The following P3H2 variants were observed in gnomAD, a reference collection of about 807,000 sequenced individuals.
P3H2 encodes the protein leprecan-like 1.
Under a neutral mutation model 87.0 loss-of-function variants are expected in P3H2, and 80 were observed. The ratio of observed to expected loss-of-function variants is 0.92; its 90% CI spans 0.77 to 1.11. The LOEUF (loss-of-function observed/expected upper bound fraction) is 1.11, where lower values mean the gene tolerates loss of function less well. Among genes scored for constraint, P3H2 ranks in the 50% least tolerant of loss-of-function variants. The probability of loss-of-function intolerance (pLI) is 0.00; values close to 1 mark genes in which losing one functional copy is unlikely to be tolerated. For synonymous variants in P3H2, 367 were observed against 359.3 expected (o/e 1.02, Z -0.24); for missense variants, 1,001 against 923.9 (o/e 1.08, Z -1.08).
intron 1 of P3H2, among the ~76,000 whole-genome samples, chr3:190,012,579 T>C (rs1161289001): frequency 1.3e-5 from 2 of 152,238 alleles, no homozygotes; most frequent in African/African-American, 2.4e-5. Context: ...TCTGGGTTTC[T>C]AGTGTTCCTC....
At chr3:190,028,334 TC>T (rs1457598361) in intron 1 of P3H2, among the ~76,000 whole-genome samples, 1 of 152,154 alleles carries the variant, frequency 6.6e-6, no homozygotes, top group Non-Finnish European at 1.5e-5. Context: ...TGACTGATAT[TC>T]CCCTCAAGCC....
At chr3:189,958,056 C>T in intron 14 of P3H2, 52 bp from the exon 15 acceptor site, 1 of 1,323,052 alleles carries the variant, frequency 7.6e-7, no homozygotes, top group Non-Finnish European at 1.1e-6. Flanking sequence ...TAATCAGTCT[C>T]ATCAGCAGAC....
intron 1 of P3H2, among the ~76,000 whole-genome samples, chr3:190,009,575 G>A (rs1724525730): frequency 6.6e-6 from 1 of 152,082 alleles, no homozygotes; most frequent in Admixed American, 6.6e-5. Flanking sequence ...TCACATTTCT[G>A]GAAGACTCAC....
chr3:190,018,398 G>C lies in P3H2; in HGVS notation c.481-22956C>G, dbSNP rs190468551. 8.5e-3 allele frequency among the ~76,000 whole-genome samples: 1,287 copies of C among 152,190 alleles called. 9 individuals are homozygous for C. The highest frequency in any genetic ancestry group is 0.014 in the Middle Eastern group (4 of 294). Reference sequence around the variant, plus strand: ...AGGTGTTAATAGTCCCATTTTTACAGATGAGAAAATCAAGGCTTAGATAAG... The same window carrying C: ...AGGTGTTAATAGTCCCATTTTTACACATGAGAAAATCAAGGCTTAGATAAG... On this transcript the variant is annotated intron_variant, in intron 1 of 14. Coordinates refer to ENST00000319332, the MANE Select transcript of P3H2 (RefSeq NM_018192.4).
At chr3:190,012,922 G>A (rs768382485) in intron 1 of P3H2, among the ~76,000 whole-genome samples, 5 of 152,126 alleles carry the variant, frequency 3.3e-5, no homozygotes, top group South Asian at 2.1e-4. Context: ...TTGAAAGTCC[G>A]CTTAGCTCAT....
intron 4 of P3H2, 136 bp downstream of exon 4, chr3:189,988,771 G>C: frequency 9.1e-7 from 1 of 1,104,186 alleles, no homozygotes; most frequent in Admixed American, 1.7e-5. Context: ...TGCAGCTCAG[G>C]AGAGAAGAAA....
At chr3:190,033,009 T>C (rs966582864) in intron 1 of P3H2, among the ~76,000 whole-genome samples, 6 of 152,188 alleles carry the variant, frequency 3.9e-5, no homozygotes, top group Non-Finnish European at 7.3e-5. Context: ...AACTAGACGG[T>C]CCCATCTAGT....
intron 1 of P3H2, among the ~76,000 whole-genome samples, chr3:190,046,093 C>T (rs374339982): frequency 1.3e-5 from 2 of 150,940 alleles, no homozygotes; most frequent in African/African-American, 4.9e-5. Context: ...ACTGCACTCC[C>T]GCCTGGGCGA....
chr3:190,120,599 C>T lies in P3H2; in HGVS notation c.133G>A (p.Asp45Asn). ...ELEPGPLQPFDLLYASGAAAY... is the reference protein window; with the variant it reads ...ELEPGPLQPFNLLYASGAAAY... ...GCCGCGCCGCTGGCGTAGAGCAGGTCGAAGGGCTGCAGAGGCCCGGGCTCC... is the reference window on the plus strand; with the variant it reads ...GCCGCGCCGCTGGCGTAGAGCAGGTTGAAGGGCTGCAGAGGCCCGGGCTCC... The change falls in exon 1 of 15, where the codon GAC becomes AAC. Residue 45 changes from aspartate to asparagine, a missense_variant. Transcript: ENST00000319332. 2.6e-6 allele frequency: 4 copies of T among 1,547,194 alleles called. No individual in the cohort carries two copies. In the South Asian group the frequency reaches 3.6e-5, roughly 14 times the overall value.
chr3:190,060,756 A>T (rs1349978748), intron 1 of P3H2, among the ~76,000 whole-genome samples: 2 of 152,146 alleles, frequency 1.3e-5, no homozygotes, highest in African/African-American at 4.8e-5. Flanking sequence ...AGATGCTTAA[A>T]AGAACTTCTG....
intron 1 of P3H2, among the ~76,000 whole-genome samples, chr3:190,117,759 G>C (rs925280165): frequency 1.3e-5 from 2 of 151,698 alleles, no homozygotes; most frequent in African/African-American, 2.4e-5. Flanking sequence ...CTGGGGGAGG[G>C]GGGTGAAGGG....
At chr3:189,970,060 T>C (rs1158817524) in intron 13 of P3H2, among the ~76,000 whole-genome samples, 1 of 151,028 alleles carries the variant, frequency 6.6e-6, no homozygotes, top group Non-Finnish European at 1.5e-5. Flanking sequence ...AAGATGGTCG[T>C]TGAATTGAAC....
At chr3:190,062,874 C>A (rs1284601748) in intron 1 of P3H2, among the ~76,000 whole-genome samples, 1 of 151,994 alleles carries the variant, frequency 6.6e-6, no homozygotes, top group African/African-American at 2.4e-5. Flanking sequence ...GCATAATGAA[C>A]TGGTGGGAAC....
At chr3:190,071,571 T>A (rs1726698465) in intron 1 of P3H2, among the ~76,000 whole-genome samples, 1 of 152,236 alleles carries the variant, frequency 6.6e-6, no homozygotes, top group South Asian at 2.1e-4. Flanking sequence ...AGCACAATTG[T>A]GCTGTTTTAC....
At chr3:190,103,833 C>T (rs1488151393) in intron 1 of P3H2, among the ~76,000 whole-genome samples, 1 of 152,008 alleles carries the variant, frequency 6.6e-6, no homozygotes, top group African/African-American at 2.4e-5. Context: ...GCTCTGTCAC[C>T]TAGGCTGGGG....
At chr3:190,054,121 T>A (rs1490163619) in intron 1 of P3H2, among the ~76,000 whole-genome samples, 1 of 152,216 alleles carries the variant, frequency 6.6e-6, no homozygotes, top group African/African-American at 2.4e-5. Flanking sequence ...CCAAGACCAC[T>A]ACTGGAACAG....
At chr3:190,001,307 T>C (rs1724210241) in intron 1 of P3H2, among the ~76,000 whole-genome samples, 1 of 152,226 alleles carries the variant, frequency 6.6e-6, no homozygotes, top group South Asian at 2.1e-4. Context: ...CACTATGTAC[T>C]TCTCAAATAG....
Position 189,964,088 on chromosome 3 carries a change from T to C in P3H2, c.1904A>G (p.Lys635Arg), listed in dbSNP as rs748057759. The C allele has an allele frequency of 6.2e-7, 1 of 1,614,158 alleles. No individual in the cohort carries two copies. Residue 635 changes from lysine (K) to arginine (R), a missense_variant, in exon 14 of 15, where the codon AAA becomes AGA. Coordinates refer to ENST00000319332, the MANE Select transcript of P3H2 (RefSeq NM_018192.4). The part of the protein sequence containing the change: ...MDAKTVTASI[K>R]PKCGRMISFS... ...GCTGATCATGCGCCCACATTTTGGT[T>C]TTATAGAGGCCTGAGAAAGAAAGCA...
chr3:190,043,957 G>C (rs1725720815), intron 1 of P3H2, among the ~76,000 whole-genome samples: 1 of 152,098 alleles, frequency 6.6e-6, no homozygotes, highest in African/African-American at 2.4e-5. Flanking sequence ...ATTCCAGGGA[G>C]ATGTCAAAAC....
Sources: allele counts gnomAD v4.1 joint callset (sites outside exome capture counted in the v4.1 genomes callset), GRCh38; gene constraint gnomAD v4.1.1; transcripts MANE v1.5; gene names NCBI Gene and HGNC (gene_info 2026-07-23, HGNC 2026-07-21).